Variants in CAPG observed in about 807,000 individuals in gnomAD.
CAPG encodes the protein macrophage-capping protein.
Under a neutral mutation model 44.6 loss-of-function variants are expected in CAPG, and 32 were observed. The ratio of observed to expected loss-of-function variants is 0.72; its 90% CI spans 0.54 to 0.96. The LOEUF is 0.96. CAPG is among the 50% of genes least tolerant of loss of function. CAPG has a pLI of 0.00. For missense variants in CAPG, 412 were observed against 438.3 expected, an observed-to-expected ratio of 0.94 and a Z score of 0.54; for synonymous variants, 175 against 179.6, an observed-to-expected ratio of 0.97 and a Z score of 0.20.
rs777571854 is a variant in CAPG at position 85,401,965 on chromosome 2, AAG to A, written c.24-10_24-9del. On this transcript the variant is annotated splice_polypyrimidine_tract_variant and intron_variant, in intron 2 of 9. Transcript: ENST00000263867. The stretch of plus-strand genomic sequence containing the variant: ...CCTGGGAATGGAGAGCCACTGCGAG[AAG>A]AGAGAGGGTTGACAGCAGCCTGGAC... The A allele has an allele frequency of 2.5e-6, 4 of 1,613,864 alleles. No homozygotes were observed. The highest frequency in any genetic ancestry group is 2.5e-6 in the Non-Finnish European group (3 of 1,179,960).
intron 1 of CAPG, among the ~76,000 whole-genome samples, chr2:85,403,355 A>C (rs1156386984): frequency 6.6e-6 from 1 of 152,204 alleles, no homozygotes; most frequent in African/African-American, 2.4e-5. Context: ...AATTTGTAGT[A>C]AAAAACTCGT....
intron 1 of CAPG, among the ~76,000 whole-genome samples, chr2:85,415,865 T>G (rs1432807730): frequency 1.3e-5 from 2 of 152,060 alleles, no homozygotes; most frequent in African/African-American, 2.4e-5. Flanking sequence ...TCTTTTTTTT[T>G]AAGAGACAGG....
rs1409264009 is a variant in CAPG, at chr2:85,395,727, CA to C, written c.893-102del. The C allele has an allele frequency of 4.0e-6, 3 of 751,104 alleles. No individual in the cohort carries two copies. Among genetic ancestry groups the C allele is most frequent in the Non-Finnish European group, 6.8e-6 (3 of 443,354 alleles). 46.5% of individuals were successfully genotyped at this position (751,104 alleles called of 1,614,324 possible). A position where few individuals can be genotyped will look rare whatever the true frequency, so the allele number is the denominator to read the frequency against. Reference sequence around the variant, plus strand: ...TTAAGGGAGTCCACAGAAGAGCCAGCAATTTTTACAATAAATGGACCAGGGG... The same window carrying C: ...TTAAGGGAGTCCACAGAAGAGCCAGCATTTTTACAATAAATGGACCAGGGG... On this transcript the variant is annotated intron_variant, in intron 8 of 9. Transcript: ENST00000263867. The surrounding 1 kb of genome is among the most constrained non-coding windows in gnomAD (Gnocchi z 4.3).
chr2:85,410,256 G>A lies in CAPG; in HGVS notation c.-14+61C>T, dbSNP rs188203931. The A allele has an allele frequency of 2.5e-3, 375 of 152,790 alleles. 1 individual carries two copies. The highest frequency in any genetic ancestry group is 8.8e-3 in the African/African-American group (368 of 41,604). The allele number at this position is 152,790 out of a possible 1,614,324, so 9.5% of individuals were successfully genotyped here. ...ACCCAGGAGGGTACCAGCCAGCCGC[G>A]CTGGCAGCCACCCTGCCACCTTCAC... is the stretch of plus-strand genomic sequence containing the variant. On this transcript the variant is annotated intron_variant, in intron 1 of 9. Coordinates refer to ENST00000263867, the MANE Select transcript of CAPG (RefSeq NM_001747.4).
Position 85,394,844 on chromosome 2 carries a change from AG to A in CAPG, c.*48del. The A allele has an allele frequency of 7.5e-7, 1 of 1,337,052 alleles. No individual in the cohort carries two copies. Among genetic ancestry groups the A allele is most frequent in the Non-Finnish European group, 1.1e-6 (1 of 926,604 alleles). The allele number at this position is 1,337,052 out of a possible 1,614,324, so 82.8% of individuals were successfully genotyped here. Reference sequence around the variant, plus strand: ...TGACCAGGCAGCCAGAGAAGCAAGCAGGCAGGTGGTGGGGGGCAGGGGAGCA... The same window carrying A: ...TGACCAGGCAGCCAGAGAAGCAAGCAGCAGGTGGTGGGGGGCAGGGGAGCA... On this transcript the variant is annotated 3_prime_UTR_variant, in exon 10 of 10. Transcript: ENST00000263867.
intron 1 of CAPG, among the ~76,000 whole-genome samples, chr2:85,404,498 T>A (rs1046661833): frequency 6.6e-6 from 1 of 151,970 alleles, no homozygotes; most frequent in African/African-American, 2.4e-5. Flanking sequence ...CACCTGTAAT[T>A]CCAGCACTTT....
chr2:85,415,521 A>G (rs1471596798), intron 1 of CAPG, among the ~76,000 whole-genome samples: 1 of 152,222 alleles, frequency 6.6e-6, no homozygotes, highest in Non-Finnish European at 1.5e-5. Context: ...AAACACTTCT[A>G]TCACACCAGA....
upstream of CAPG, among the ~76,000 whole-genome samples, chr2:85,411,685 A>G (rs1261497966): frequency 6.6e-6 from 1 of 152,220 alleles, no homozygotes; most frequent in Non-Finnish European, 1.5e-5. Flanking sequence ...CCTGGAGCAA[A>G]ATCTGGAACA....
chr2:85,400,504 G>C (rs985075774), intron 5 of CAPG, among the ~76,000 whole-genome samples: 2 of 152,052 alleles, frequency 1.3e-5, no homozygotes, highest in African/African-American at 4.8e-5. Flanking sequence ...CTTCCACCTT[G>C]CTTAGGAATT....
intron 8 of CAPG, 151 bp downstream of exon 8, chr2:85,397,869 T>G: frequency 1.3e-6 from 1 of 759,096 alleles, no homozygotes; most frequent in Non-Finnish European, 2.1e-6. Flanking sequence ...TAAAAAAAAT[T>G]TTTAAAGAGA....
At chr2:85,410,712 G>A (rs972940307), upstream of CAPG, among the ~76,000 whole-genome samples, 2 of 152,200 alleles carry the variant, frequency 1.3e-5, no homozygotes, top group African/African-American at 2.4e-5. Flanking sequence ...TGGGGCAGGC[G>A]CGGCACAGCC....
In CAPG at chr2:85,402,559, C is replaced by T. The variant is rs1016560605; in HGVS notation, c.-13-401G>A. 7.9e-5 allele frequency among the ~76,000 whole-genome samples: 12 copies of T among 151,600 alleles called. 1 individual carries two copies. Among genetic ancestry groups the T allele is most frequent in the Admixed American group, 5.3e-4 (8 of 15,236 alleles). ...TCGCCTCACTGCAACCTCCGCCTCC[C>T]GGGTTCAAGTAATCCTCCGGTCTCA... On this transcript the variant is annotated intron_variant, in intron 1 of 9. Coordinates refer to ENST00000263867, the MANE Select transcript of CAPG (RefSeq NM_001747.4).
At chr2:85,414,999 G>A (rs1440853777), upstream of CAPG, among the ~76,000 whole-genome samples, 3 of 152,166 alleles carry the variant, frequency 2.0e-5, no homozygotes, top group Admixed American at 6.5e-5. Flanking sequence ...AGGCAGCTTC[G>A]AAAATCCCAA....
In CAPG at chr2:85,398,678, T is replaced by TG. The variant is rs1558730693; in HGVS notation, c.759+11dup. On this transcript the variant is annotated intron_variant, in intron 7 of 9. Coordinates refer to ENST00000263867, the MANE Select transcript of CAPG (RefSeq NM_001747.4). ...CTGCTGCCGGGTCCCAGGGCAGGCT[T>TG]GGGGGGCCCACCTTATACAGAGCTG... The TG allele has an allele frequency of 3.1e-6, 5 of 1,590,634 alleles. No individual in the cohort carries two copies. Among genetic ancestry groups the TG allele is most frequent in the Non-Finnish European group, 3.4e-6 (4 of 1,167,988 alleles).
chr2:85,404,565 A>G (rs957564432), intron 1 of CAPG, among the ~76,000 whole-genome samples: 9 of 152,156 alleles, frequency 5.9e-5, no homozygotes, highest in African/African-American at 1.9e-4. Flanking sequence ...CCTGGCCAAC[A>G]TGGTGAAACC....
chr2:85,397,013 A>G (rs1686631660), intron 8 of CAPG, among the ~76,000 whole-genome samples: 1 of 152,142 alleles, frequency 6.6e-6, no homozygotes. Flanking sequence ...TTTCAGTCAA[A>G]CCAAGCAGAA....
rs1553424999 is a variant in CAPG, at chr2:85,395,748, CA to C, written c.893-123del. On this transcript the variant is annotated intron_variant, in intron 8 of 9. Coordinates refer to ENST00000263867, the MANE Select transcript of CAPG (RefSeq NM_001747.4). This position sits in a 1 kb window ranked among gnomAD's most constrained non-coding sequence, Gnocchi z 4.3. ...CCAGCAATTTTTACAATAAATGGAC[CA>C]GGGGTCCCAAGAATGCCGAGGGGCT... 5 of 670,918 alleles carry C rather than the reference CA, an allele frequency of 7.5e-6. No individual in the cohort carries two copies. Among genetic ancestry groups the C allele is most frequent in the South Asian group, 3.5e-5 (2 of 56,768 alleles). 41.6% of individuals were successfully genotyped at this position (670,918 alleles called of 1,614,324 possible).
In CAPG at chr2:85,395,949, G is replaced by A. The variant is rs773502867; in HGVS notation, c.893-323C>T. 1.3e-4 allele frequency: 38 copies of A among 295,618 alleles called. No homozygotes were observed. Among genetic ancestry groups the A allele is most frequent in the Non-Finnish European group, 2.0e-4 (32 of 156,276 alleles). The allele number at this position is 295,618 out of a possible 1,614,324, so 18.3% of individuals were successfully genotyped here. ...CACCCTAGCATCAGACTGTGAGGCC[G>A]CAGGTCTCCTTTTCCTCTAGGACCC... On this transcript the variant is annotated intron_variant, in intron 8 of 9. Coordinates refer to ENST00000263867, the MANE Select transcript of CAPG (RefSeq NM_001747.4). This position sits in a 1 kb window ranked among gnomAD's most constrained non-coding sequence, Gnocchi z 4.3.
chr2:85,395,482 C>G lies in CAPG; in HGVS notation c.981+56G>C. 6.9e-7 allele frequency: 1 copy of G among 1,457,896 alleles called. No individual in the cohort carries two copies. Among genetic ancestry groups the G allele is most frequent in the Non-Finnish European group, 9.5e-7 (1 of 1,048,014 alleles). The allele number at this position is 1,457,896 out of a possible 1,614,324, so 90.3% of individuals were successfully genotyped here. On this transcript the variant is annotated intron_variant, in intron 9 of 9. Transcript: ENST00000263867. This position sits in a 1 kb window ranked among gnomAD's most constrained non-coding sequence, Gnocchi z 4.3. Reference sequence around the variant, plus strand: ...GCCCTTCCTGGCCAATTTGAGGGGTCAGGGGCCACAGGAAGAGCCCTAGGA... The same window carrying G: ...GCCCTTCCTGGCCAATTTGAGGGGTGAGGGGCCACAGGAAGAGCCCTAGGA...
Sources: allele counts gnomAD v4.1 joint callset (sites outside exome capture counted in the v4.1 genomes callset), GRCh38; gene constraint gnomAD v4.1.1; non-coding constraint Gnocchi (gnomAD v3.1); transcripts MANE v1.5; gene names NCBI Gene and HGNC (gene_info 2026-07-23, HGNC 2026-07-21).